Variants in SYT1 observed in about 807,000 individuals in gnomAD.
SYT1 encodes synaptotagmin-1.
SYT1 carries 8 observed loss-of-function variants against 44.8 expected under a neutral mutation model. The observed-to-expected ratio is 0.18, with a 90% CI of 0.10 to 0.32. SYT1 has a LOEUF of 0.32. Among genes scored for constraint, SYT1 ranks in the 10% least tolerant of loss-of-function variants. The probability of loss-of-function intolerance (pLI) is 1.00; values close to 1 mark genes in which losing one functional copy is unlikely to be tolerated. For synonymous variants in SYT1, 154 were observed against 188.8 expected (o/e 0.82, Z 1.51); for missense variants, 286 against 509.3 (o/e 0.56, Z 4.22).
At chr12:78,942,768 A>G (rs577546166) in intron 1 of SYT1, among the ~76,000 whole-genome samples, 2 of 152,312 alleles carry the variant, frequency 1.3e-5, no homozygotes, top group East Asian at 3.9e-4. Context: ...ATTGCCTGGA[A>G]CCAGCTTCCA....
intron 2 of SYT1, among the ~76,000 whole-genome samples, chr12:79,015,749 C>T (rs1871765902): frequency 6.6e-6 from 1 of 152,288 alleles, no homozygotes; most frequent in South Asian, 2.1e-4. Context: ...CACAGTAATA[C>T]TCTTATGCCA....
intron 4 of SYT1, among the ~76,000 whole-genome samples, chr12:79,262,069 A>C (rs1345802081): frequency 6.6e-6 from 1 of 152,138 alleles, no homozygotes; most frequent in African/African-American, 2.4e-5. Flanking sequence ...GAAAGGCAAA[A>C]CCCGTGTGCA....
At chr12:79,317,280 G>A (rs7136404) in intron 8 of SYT1, among the ~76,000 whole-genome samples, 1,612 of 152,086 alleles carry the variant, frequency 0.011, 31 homozygotes, top group African/African-American at 0.037. Context: ...AGCTTTTTTC[G>A]AAAGCTGATG....
At chr12:79,421,800 T>A (rs1454366914) in intron 9 of SYT1, among the ~76,000 whole-genome samples, 1 of 152,044 alleles carries the variant, frequency 6.6e-6, no homozygotes, top group Non-Finnish European at 1.5e-5. Flanking sequence ...ATACTTGAAT[T>A]GTAAGTATTC....
chr12:79,437,481 G>C (rs1026814662), intron 9 of SYT1, among the ~76,000 whole-genome samples: 4 of 152,168 alleles, frequency 2.6e-5, no homozygotes, highest in African/African-American at 7.2e-5. Flanking sequence ...AAAAGGAAAG[G>C]AATGAGCTCA....
intron 3 of SYT1, among the ~76,000 whole-genome samples, chr12:79,053,681 AAAC>A (rs1874710371): frequency 6.7e-6 from 1 of 150,314 alleles, no homozygotes; most frequent in African/African-American, 2.4e-5. Context: ...ATATATAAAT[AAAC>A]AACACTTATT....
At chr12:79,120,620 GT>G (rs1168579546) in intron 3 of SYT1, among the ~76,000 whole-genome samples, 7 of 152,066 alleles carry the variant, frequency 4.6e-5, no homozygotes, top group Non-Finnish European at 1.5e-5. Flanking sequence ...CTAAAACATG[GT>G]TTTTCCCTTA....
At chr12:79,116,328 A>G (rs1186728351) in intron 3 of SYT1, among the ~76,000 whole-genome samples, 1 of 152,190 alleles carries the variant, frequency 6.6e-6, no homozygotes, top group Admixed American at 6.5e-5. Context: ...GATTGGTATT[A>G]GTGTTCAGTA....
chr12:79,157,541 C>T (rs1371515170), intron 3 of SYT1, among the ~76,000 whole-genome samples: 3 of 152,082 alleles, frequency 2.0e-5, no homozygotes, highest in Non-Finnish European at 4.4e-5. Flanking sequence ...ACTCATTTGA[C>T]CTTATATGAT....
chr12:79,350,544 G>C (rs1207594895), intron 8 of SYT1, among the ~76,000 whole-genome samples: 2 of 151,988 alleles, frequency 1.3e-5, no homozygotes, highest in African/African-American at 4.8e-5. Flanking sequence ...GAGCCACCGC[G>C]CCCGGCCCTC....
chr12:79,168,166 C>T (rs1193873123), intron 3 of SYT1, among the ~76,000 whole-genome samples: 2 of 151,966 alleles, frequency 1.3e-5, no homozygotes, highest in Non-Finnish European at 2.9e-5. Context: ...TCTAGTTATT[C>T]CTTTAGAAAT....
Position 79,375,892 on chromosome 12 carries a change from TC to T in SYT1, c.928+22276del, listed in dbSNP as rs1331243256. On this transcript the variant is annotated intron_variant, in intron 9 of 10. Transcript: ENST00000261205. ...ACTCACAATGATAAAGCCAACCATC[TC>T]CCACCTTGTAGTTCTATCACTATCC... Among the ~76,000 whole-genome samples, 10 of 152,260 alleles carry T rather than the reference TC, an allele frequency of 6.6e-5. No individual in the cohort carries two copies. In the South Asian group the frequency reaches 2.1e-3, roughly 32 times the overall value.
chr12:78,901,437 T>A (rs527637641), intron 1 of SYT1, among the ~76,000 whole-genome samples: 1 of 152,104 alleles, frequency 6.6e-6, no homozygotes, highest in Admixed American at 6.6e-5. Context: ...CCCTGAGAAG[T>A]TCAAAAGGGA....
intron 9 of SYT1, among the ~76,000 whole-genome samples, chr12:79,435,975 C>T (rs899663008): frequency 6.6e-6 from 1 of 152,088 alleles, no homozygotes; most frequent in Non-Finnish European, 1.5e-5. Flanking sequence ...TATCACTTCC[C>T]TGTAAGAGTC....
At chr12:79,179,354 C>CGATATAGATATA (rs1555204840) in intron 3 of SYT1, among the ~76,000 whole-genome samples, 2 of 61,076 alleles carry the variant, frequency 3.3e-5, no homozygotes, top group African/African-American at 1.6e-4. Flanking sequence ...ATGTCTATAT[C>CGATATAGATATA]GATATAGATA....
intron 3 of SYT1, among the ~76,000 whole-genome samples, chr12:79,192,922 C>G (rs1873217641): frequency 6.6e-6 from 1 of 152,120 alleles, no homozygotes; most frequent in Non-Finnish European, 1.5e-5. Flanking sequence ...AATGGATTCT[C>G]TACAATCAAG....
chr12:79,026,305 A>G (rs1229076800), intron 2 of SYT1, among the ~76,000 whole-genome samples: 1 of 151,500 alleles, frequency 6.6e-6, no homozygotes, highest in East Asian at 2.0e-4. Flanking sequence ...TTGCTTCTTG[A>G]TGAAGGAGGA....
At chr12:78,978,423 T>C (rs1332542312) in intron 2 of SYT1, among the ~76,000 whole-genome samples, 1 of 152,222 alleles carries the variant, frequency 6.6e-6, no homozygotes, top group Non-Finnish European at 1.5e-5. Flanking sequence ...TACCATGCTG[T>C]GTCTCATTCT....
chr12:79,114,215 G>A (rs1393700402), intron 3 of SYT1, among the ~76,000 whole-genome samples: 1 of 152,150 alleles, frequency 6.6e-6, no homozygotes, highest in African/African-American at 2.4e-5. Context: ...TTTCAAACAA[G>A]GTCTTTGTGT....
Sources: gnomAD v4.1 joint callset for allele counts (sites outside exome capture counted in the v4.1 genomes callset) on GRCh38, gnomAD v4.1.1 for gene constraint, MANE v1.5 for transcripts, NCBI Gene and HGNC (gene_info 2026-07-23, HGNC 2026-07-21) for gene names.